Variants in PBRM1 observed in about 807,000 individuals in gnomAD.
PBRM1 encodes the protein polybromo 1, also known as protein polybromo-1.
PBRM1 carries 27 observed loss-of-function variants against 194.5 expected under a neutral mutation model. The ratio of observed to expected loss-of-function variants is 0.14; its 90% CI spans 0.10 to 0.19. PBRM1 has a LOEUF of 0.19. Among genes scored for constraint, PBRM1 ranks in the 10% least tolerant of loss-of-function variants. The probability of loss-of-function intolerance (pLI) is 1.00; values close to 1 mark genes in which losing one functional copy is unlikely to be tolerated. For missense variants in PBRM1, 1,466 were observed against 2,077.2 expected (o/e 0.71, Z 5.72); for synonymous variants, 655 against 693.2 (o/e 0.94, Z 0.87).
chr3:52,585,248 G>T (rs1316905844), intron 20 of PBRM1, among the ~76,000 whole-genome samples: 2 of 152,056 alleles, frequency 1.3e-5, no homozygotes, highest in African/African-American at 2.4e-5. Flanking sequence ...AAAACAAACT[G>T]GAAATTTCTT....
At chr3:52,588,153 G>C (rs1340731149) in intron 18 of PBRM1, among the ~76,000 whole-genome samples, 1 of 152,078 alleles carries the variant, frequency 6.6e-6, no homozygotes, top group African/African-American at 2.4e-5. Flanking sequence ...CTTTAGTAAG[G>C]GGACAGATAT....
intron 4 of PBRM1, among the ~76,000 whole-genome samples, chr3:52,660,106 G>C (rs1008222773): frequency 6.6e-6 from 1 of 152,090 alleles, no homozygotes; most frequent in African/African-American, 2.4e-5. Flanking sequence ...AACAAAATTT[G>C]AAAGAGGCTT....
At chr3:52,623,843 C>T (rs929072864) in intron 13 of PBRM1, among the ~76,000 whole-genome samples, 1 of 152,168 alleles carries the variant, frequency 6.6e-6, no homozygotes, top group Non-Finnish European at 1.5e-5. Flanking sequence ...CCCAGTGATG[C>T]CCCCTATTCC....
intron 13 of PBRM1, among the ~76,000 whole-genome samples, chr3:52,624,295 T>C (rs1452881169): frequency 6.6e-6 from 1 of 152,234 alleles, no homozygotes; most frequent in Non-Finnish European, 1.5e-5. Flanking sequence ...TAGTGTTCTA[T>C]AAGCAACTGA....
At chr3:52,666,987 A>G (rs1368982466) in intron 3 of PBRM1, among the ~76,000 whole-genome samples, 1 of 152,160 alleles carries the variant, frequency 6.6e-6, no homozygotes, top group African/African-American at 2.4e-5. Flanking sequence ...GAATAAAAGG[A>G]CAGAAACAGA....
intron 25 of PBRM1, among the ~76,000 whole-genome samples, chr3:52,558,946 A>T (rs2082805604): frequency 6.6e-6 from 1 of 152,238 alleles, no homozygotes; most frequent in African/African-American, 2.4e-5. Context: ...TAACTCTGTA[A>T]GGGAAAAGTA....
upstream of PBRM1, among the ~76,000 whole-genome samples, chr3:52,680,163 C>T (rs1448662357): frequency 6.6e-6 from 1 of 152,100 alleles, no homozygotes; most frequent in African/African-American, 2.4e-5. Flanking sequence ...CTCTATGTGC[C>T]TTACAATTAT....
intron 15 of PBRM1, among the ~76,000 whole-genome samples, chr3:52,612,258 C>CA (rs566481465): frequency 0.034 from 795 of 23,516 alleles, 69 homozygotes; most frequent in East Asian, 0.046. Flanking sequence ...GATTCCGTCT[C>CA]AAAAAAAAAA....
At chr3:52,646,585 T>C (rs1217496214) in intron 7 of PBRM1, among the ~76,000 whole-genome samples, 1 of 152,004 alleles carries the variant, frequency 6.6e-6, no homozygotes, top group Non-Finnish European at 1.5e-5. Context: ...AATCTAGAAA[T>C]AAACCCATAC....
intron 17 of PBRM1, among the ~76,000 whole-genome samples, chr3:52,592,519 G>A (rs1209961864): frequency 6.6e-6 from 1 of 152,198 alleles, no homozygotes; most frequent in African/African-American, 2.4e-5. Flanking sequence ...AAGCCTACTT[G>A]ACCATGGTGG....
At chr3:52,659,615 G>A (rs996962924) in intron 4 of PBRM1, among the ~76,000 whole-genome samples, 10 of 152,240 alleles carry the variant, frequency 6.6e-5, no homozygotes, top group East Asian at 5.8e-4. Flanking sequence ...AGACATGGGC[G>A]TCTCACTACA....
intron 27 of PBRM1, among the ~76,000 whole-genome samples, chr3:52,553,558 C>T (rs1207844102): frequency 2.7e-5 from 4 of 150,276 alleles, no homozygotes; most frequent in Admixed American, 6.6e-5. Flanking sequence ...GTGCGATCAC[C>T]ACTCACTGCA....
chr3:52,617,144 G>A, intron 14 of PBRM1, 118 bp downstream of exon 16: 1 of 731,346 alleles, frequency 1.4e-6, no homozygotes, highest in Non-Finnish European at 2.1e-6. Context: ...AATTAACCTA[G>A]TCACCAAAAA....
At chr3:52,562,531 A>C (rs559375050) in intron 24 of PBRM1, among the ~76,000 whole-genome samples, 3 of 149,690 alleles carry the variant, frequency 2.0e-5, no homozygotes, top group South Asian at 2.1e-4. Flanking sequence ...AAGTCTTGAG[A>C]AAATTCTTTT....
intron 22 of PBRM1, among the ~76,000 whole-genome samples, chr3:52,572,449 T>C (rs1478709479): frequency 3.3e-5 from 5 of 152,176 alleles, no homozygotes; most frequent in Non-Finnish European, 5.9e-5. Context: ...CTCAGCGCAC[T>C]GCAACCTCTC....
chr3:52,563,047 A>G (rs2084058068), intron 24 of PBRM1, among the ~76,000 whole-genome samples: 1 of 150,948 alleles, frequency 6.6e-6, no homozygotes, highest in Admixed American at 6.6e-5. Context: ...AATTTTAAAG[A>G]TATTAATTTT....
chr3:52,672,714 G>A (rs1243388362), intron 2 of PBRM1, among the ~76,000 whole-genome samples: 2 of 151,818 alleles, frequency 1.3e-5, no homozygotes, highest in Non-Finnish European at 2.9e-5. Flanking sequence ...GGCTGGTCTC[G>A]AACTCCTGCA....
intron 4 of PBRM1, among the ~76,000 whole-genome samples, chr3:52,659,106 A>G (rs1326119073): frequency 1.3e-5 from 2 of 152,174 alleles, no homozygotes; most frequent in East Asian, 3.9e-4. Flanking sequence ...TTAAGTCAAA[A>G]CTAAACAGCG....
At chr3:52,565,866 C>T (rs1479282578) in intron 22 of PBRM1, among the ~76,000 whole-genome samples, 6 of 151,890 alleles carry the variant, frequency 4.0e-5, no homozygotes, top group South Asian at 4.2e-4. Context: ...CTGGCTAACA[C>T]GGTGAAACCC....
Sources: gnomAD v4.1 joint callset for allele counts (sites outside exome capture counted in the v4.1 genomes callset) on GRCh38, gnomAD v4.1.1 for gene constraint, MANE v1.5 for transcripts, NCBI Gene and HGNC (gene_info 2026-07-23, HGNC 2026-07-21) for gene names.